The following SGCD variants were observed in gnomAD, a reference collection of about 807,000 sequenced individuals.
SGCD encodes the protein delta-sarcoglycan.
SGCD carries 18 observed loss-of-function variants against 36.6 expected under a neutral mutation model. That is an observed-to-expected ratio of 0.49 (90% confidence interval 0.34 to 0.73). SGCD has a LOEUF of 0.73. Ranked by LOEUF, SGCD falls within the 30% of genes least tolerant of loss-of-function variation. The probability of loss-of-function intolerance (pLI) is 0.01; values close to 1 mark genes in which losing one functional copy is unlikely to be tolerated. For missense variants in SGCD, 387 were observed against 346.7 expected, an observed-to-expected ratio of 1.12 and a Z score of -0.92; for synonymous variants, 133 against 130.6, an observed-to-expected ratio of 1.02 and a Z score of -0.12.
chr5:156,053,861 C>A (rs1057471034), intron 1 of SGCD, among the ~76,000 whole-genome samples: 1 of 146,128 alleles, frequency 6.8e-6, no homozygotes, highest in Non-Finnish European at 1.5e-5. Context: ...CTGGTGAGTG[C>A]CATTCCTCAC....
chr5:156,184,894 G>C (rs1044121301), intron 3 of SGCD, among the ~76,000 whole-genome samples: 6 of 152,122 alleles, frequency 3.9e-5, no homozygotes. Context: ...ATTGGGTCTT[G>C]TATATTATTT....
intron 2 of SGCD, among the ~76,000 whole-genome samples, chr5:156,332,636 G>A (rs1354565): frequency 0.42 from 64,517 of 152,016 alleles, 14,091 homozygotes; most frequent in East Asian, 0.79. Context: ...TTCTCTCAGA[G>A]AACACTGTTG....
chr5:156,672,949 C>T (rs1753357699), intron 7 of SGCD, among the ~76,000 whole-genome samples: 1 of 152,116 alleles, frequency 6.6e-6, no homozygotes, highest in Non-Finnish European at 1.5e-5. Context: ...AATGTCTTTT[C>T]CTAACCTAAG....
intron 1 of SGCD, among the ~76,000 whole-genome samples, chr5:156,046,249 G>A (rs561830426): frequency 1.3e-5 from 2 of 152,196 alleles, no homozygotes; most frequent in South Asian, 4.1e-4. Context: ...AGGGATGTTT[G>A]TGCTTTCAAT....
the SGCD span, among the ~76,000 whole-genome samples, chr5:155,839,792 T>C: frequency 6.6e-6 from 1 of 152,200 alleles, no homozygotes; most frequent in Non-Finnish European, 1.5e-5. Context: ...AACCACAGAC[T>C]ATTCCAATAG....
intron 3 of SGCD, among the ~76,000 whole-genome samples, chr5:156,409,092 A>T (rs567880744): frequency 2.2e-4 from 34 of 152,330 alleles, no homozygotes; most frequent in African/African-American, 7.5e-4. Flanking sequence ...AAGTGAGTTT[A>T]TTTGACTTTG....
chr5:156,520,090 A>G (rs1757336781), intron 4 of SGCD, among the ~76,000 whole-genome samples: 1 of 152,216 alleles, frequency 6.6e-6, no homozygotes, highest in African/African-American at 2.4e-5. Context: ...TTGTTTGCAG[A>G]TGATATGATC....
rs567288312 is a variant in SGCD, at chr5:155,900,963, T to C, written c.-282+30539T>C. 4.6e-5 allele frequency among the ~76,000 whole-genome samples: 7 copies of C among 152,236 alleles called. 1 individual carries two copies. Among genetic ancestry groups the C allele is most frequent in the African/African-American group, 1.7e-4 (7 of 41,532 alleles). Reference sequence around the variant, plus strand: ...TAAGGAAGTATTTAAAGGTATACTTTATCACCAAATGCTGGAGTTTTGGCA... The same window carrying C: ...TAAGGAAGTATTTAAAGGTATACTTCATCACCAAATGCTGGAGTTTTGGCA... On this transcript the variant is annotated intron_variant, in intron 1 of 9. Transcript: ENST00000517913.
chr5:156,746,441 G>A (rs564360024), intron 7 of SGCD, among the ~76,000 whole-genome samples: 27 of 152,266 alleles, frequency 1.8e-4, no homozygotes, highest in South Asian at 1.2e-3. Context: ...AGTTAAATAC[G>A]TAGACATAAA....
At chr5:156,134,510 C>T (rs1180771480) in intron 3 of SGCD, among the ~76,000 whole-genome samples, 1 of 152,092 alleles carries the variant, frequency 6.6e-6, no homozygotes, top group Non-Finnish European at 1.5e-5. Context: ...TAAATCACCT[C>T]TCTCTTGCAC....
intron 3 of SGCD, among the ~76,000 whole-genome samples, chr5:156,453,320 T>C (rs961459021): frequency 6.6e-6 from 1 of 152,158 alleles, no homozygotes; most frequent in Admixed American, 6.5e-5. Context: ...AAGGGAACTA[T>C]ATTATAAGGT....
intron 6 of SGCD, among the ~76,000 whole-genome samples, chr5:156,640,008 C>T (rs1222713047): frequency 6.6e-6 from 1 of 152,114 alleles, no homozygotes; most frequent in Non-Finnish European, 1.5e-5. Context: ...CTGCCAGTGA[C>T]TCCCAGTAAT....
At chr5:155,926,253 C>T (rs1025153728) in intron 1 of SGCD, among the ~76,000 whole-genome samples, 12 of 152,254 alleles carry the variant, frequency 7.9e-5, no homozygotes, top group South Asian at 2.1e-4. Flanking sequence ...AAAGATTCTC[C>T]GCAAGTTTGC....
chr5:156,097,930 T>C (rs1761420316), intron 1 of SGCD, among the ~76,000 whole-genome samples: 1 of 152,192 alleles, frequency 6.6e-6, no homozygotes, highest in South Asian at 2.1e-4. Context: ...GCAGAAGCTT[T>C]GTGGTGTTAT....
At chr5:155,874,242 A>G (rs1467161605) in intron 1 of SGCD, among the ~76,000 whole-genome samples, 1 of 152,156 alleles carries the variant, frequency 6.6e-6, no homozygotes, top group Non-Finnish European at 1.5e-5. Context: ...AAGAAAGGAA[A>G]GAGCTTTTTT....
At chr5:156,078,414 G>A (rs1016791041) in intron 1 of SGCD, among the ~76,000 whole-genome samples, 1 of 151,014 alleles carries the variant, frequency 6.6e-6, no homozygotes, top group African/African-American at 2.4e-5. Context: ...TCAGGAGGCT[G>A]AGGCAGGAGA....
intron 3 of SGCD, among the ~76,000 whole-genome samples, chr5:156,143,809 C>T (rs1222493444): frequency 6.6e-6 from 1 of 151,804 alleles, no homozygotes; most frequent in African/African-American, 2.4e-5. Flanking sequence ...CATATGTATA[C>T]ATGTGCCATG....
At chr5:156,118,958 A>G (rs1440298206) in intron 2 of SGCD, among the ~76,000 whole-genome samples, 1 of 152,136 alleles carries the variant, frequency 6.6e-6, no homozygotes, top group Admixed American at 6.6e-5. Flanking sequence ...AGAGTATTTT[A>G]TGTTTTATAG....
intron 1 of SGCD, among the ~76,000 whole-genome samples, chr5:155,914,488 G>C (rs561004530): frequency 6.6e-6 from 1 of 152,060 alleles, no homozygotes; most frequent in African/African-American, 2.4e-5. Context: ...AGTGTAATAA[G>C]GTCTATTTAA....
Sources: allele counts gnomAD v4.1 joint callset (sites outside exome capture counted in the v4.1 genomes callset), GRCh38; gene constraint gnomAD v4.1.1; transcripts MANE v1.5; gene names NCBI Gene and HGNC (gene_info 2026-07-23, HGNC 2026-07-21).